Variants in DGKK observed in about 807,000 individuals in gnomAD.
DGKK encodes diacylglycerol kinase kappa, also known as 142 kDa diacylglycerol kinase.
Under a neutral mutation model 92.2 loss-of-function variants are expected in DGKK, and 35 were observed. The ratio of observed to expected loss-of-function variants is 0.38; its 90% CI spans 0.29 to 0.50. The LOEUF (loss-of-function observed/expected upper bound fraction) is 0.50, where lower values mean the gene tolerates loss of function less well. Ranked by LOEUF, DGKK falls within the 20% of genes least tolerant of loss-of-function variation. The pLI, the probability that DGKK is intolerant of heterozygous loss-of-function variation, is 0.92. For missense variants in DGKK, 910 were observed against 992.2 expected (o/e 0.92, Z 1.11); for synonymous variants, 368 against 360.6 (o/e 1.02, Z -0.23).
At chrX:50,428,791 C>T (rs1041424951) in intron 1 of DGKK, among the ~76,000 whole-genome samples, 6 of 111,317 alleles carry the variant, frequency 5.4e-5, no homozygotes, top group African/African-American at 2.0e-4. Context: ...TGAATTCTGT[C>T]CTCCTTTGGG....
intron 1 of DGKK, among the ~76,000 whole-genome samples, chrX:50,452,890 A>G (rs183404622): frequency 7.2e-5 from 8 of 111,668 alleles, no homozygotes; most frequent in Non-Finnish European, 1.3e-4. Flanking sequence ...TTAAATCTCA[A>G]TTCTGGGCCC....
chrX:50,421,518 T>C (rs923429160), intron 3 of DGKK, among the ~76,000 whole-genome samples: 18 of 111,854 alleles, frequency 1.6e-4, no homozygotes, highest in Non-Finnish European at 5.6e-5. Context: ...TTTAATTAAG[T>C]TAAGGGGCAG....
intron 2 of DGKK, among the ~76,000 whole-genome samples, chrX:50,423,882 C>T (rs1474001239): frequency 1.8e-5 from 2 of 111,784 alleles, no homozygotes; most frequent in African/African-American, 6.5e-5. Context: ...CATGACAAGT[C>T]TTTGCTTTAT....
At chrX:50,408,773 C>T (rs1318851086) in intron 4 of DGKK, among the ~76,000 whole-genome samples, 1 of 112,092 alleles carries the variant, frequency 8.9e-6, no homozygotes, top group Non-Finnish European at 1.9e-5. Flanking sequence ...TGGTTTCACA[C>T]GTCCATAGAT....
rs782697168 is a variant in DGKK, at chrX:50,401,017, G to A, written c.1411+20C>T. 2 of 1,173,053 alleles carry A rather than the reference G, an allele frequency of 1.7e-6. No homozygotes were observed. The highest frequency in any genetic ancestry group is 2.3e-6 in the Non-Finnish European group (2 of 871,838). ...CCTACATGCCCAATGTGCTTCTGAGGTTAAGATTTAACTACTCACCATCGC... is the reference window on the plus strand; with the variant it reads ...CCTACATGCCCAATGTGCTTCTGAGATTAAGATTTAACTACTCACCATCGC... On this transcript the variant is annotated intron_variant, in intron 8 of 27. Transcript: ENST00000611977.
At chrX:50,459,307 A>G (rs1926687592) in intron 1 of DGKK, among the ~76,000 whole-genome samples, 1 of 111,394 alleles carries the variant, frequency 9.0e-6, no homozygotes, top group Non-Finnish European at 1.9e-5. Flanking sequence ...TGAGTAGGTC[A>G]CAATAATGCC....
intron 4 of DGKK, among the ~76,000 whole-genome samples, chrX:50,413,996 G>A (rs1262436715): frequency 3.6e-5 from 4 of 112,144 alleles, no homozygotes; most frequent in Non-Finnish European, 5.6e-5. Context: ...ATAAAATGTG[G>A]TATATATACA....
At chrX:50,460,258 G>A (rs374896112) in intron 1 of DGKK, among the ~76,000 whole-genome samples, 4 of 111,797 alleles carry the variant, frequency 3.6e-5, no homozygotes, top group East Asian at 5.7e-4. Flanking sequence ...CATTTCCTGC[G>A]TCAAGCTGCA....
chrX:50,416,113 G>A (rs1351071918), intron 4 of DGKK, among the ~76,000 whole-genome samples: 3 of 111,243 alleles, frequency 2.7e-5, no homozygotes, highest in Non-Finnish European at 5.7e-5. Context: ...GATACAATCA[G>A]AAGACTCCCA....
chrX:50,395,348 C>A (rs1190089897), intron 8 of DGKK, among the ~76,000 whole-genome samples: 3 of 111,063 alleles, frequency 2.7e-5, no homozygotes, highest in African/African-American at 6.6e-5. Flanking sequence ...TCTAAGTGAG[C>A]ATATGACTTT....
chrX:50,370,771 T>C (rs2147115386), intron 26 of DGKK, among the ~76,000 whole-genome samples: 1 of 111,984 alleles, frequency 8.9e-6, no homozygotes, highest in African/African-American at 3.2e-5. Context: ...CTAGCATTAA[T>C]AAATGCTCTC....
intron 1 of DGKK, among the ~76,000 whole-genome samples, chrX:50,461,258 T>C (rs971263914): frequency 8.9e-6 from 1 of 112,020 alleles, no homozygotes; most frequent in African/African-American, 3.2e-5. Flanking sequence ...TGAACAAGTG[T>C]TTCCTAAATC....
intron 1 of DGKK, among the ~76,000 whole-genome samples, chrX:50,451,266 A>T (rs971526805): frequency 1.8e-5 from 2 of 111,377 alleles, no homozygotes; most frequent in Non-Finnish European, 3.8e-5. Flanking sequence ...AAGTGAAAAG[A>T]GCTTCTTTCA....
intron 3 of DGKK, 103 bp downstream of exon 3, chrX:50,422,341 AAC>A: frequency 1.7e-6 from 1 of 602,185 alleles, no homozygotes; most frequent in East Asian, 3.7e-5. Context: ...GATCAAAGGA[AAC>A]TTTGGAAACC....
At chrX:50,394,105 G>A (rs142349066) in intron 8 of DGKK, among the ~76,000 whole-genome samples, 1,917 of 111,979 alleles carry the variant, frequency 0.017, 47 homozygotes, top group African/African-American at 0.059. Flanking sequence ...AGGGAGACAG[G>A]CAGTGTGCAA....
In DGKK at chrX:50,423,245, G is replaced by T. The variant is rs1402014087; in HGVS notation, c.757-719C>A. The stretch of plus-strand genomic sequence containing the variant: ...ATTATACATTTCCACCCCATGTCTT[G>T]TTGCTCCATTTGCATTTGTGATGCC... On this transcript the variant is annotated intron_variant, in intron 2 of 27. Coordinates refer to ENST00000611977, the MANE Select transcript of DGKK (RefSeq NM_001013742.4). Among the ~76,000 whole-genome samples, 5 of 111,991 alleles carry T rather than the reference G, an allele frequency of 4.5e-5. No individual in the cohort carries two copies. The East Asian group carries it at 8.4e-4, about 19-fold the overall frequency.
At chrX:50,432,263 C>T (rs1925907987) in intron 1 of DGKK, among the ~76,000 whole-genome samples, 2 of 112,344 alleles carry the variant, frequency 1.8e-5, no homozygotes, top group South Asian at 7.6e-4. Flanking sequence ...TATAGATGAA[C>T]GTCTGTGTCC....
At chrX:50,386,004 G>A (rs782318989) in intron 15 of DGKK, among the ~76,000 whole-genome samples, 3 of 111,847 alleles carry the variant, frequency 2.7e-5, no homozygotes, top group African/African-American at 9.8e-5. Flanking sequence ...TGGTTGGAAA[G>A]AAACAGGAGA....
chrX:50,405,571 G>A (rs1227261382), intron 4 of DGKK, among the ~76,000 whole-genome samples: 1 of 107,226 alleles, frequency 9.3e-6, no homozygotes, highest in Non-Finnish European at 1.9e-5. Flanking sequence ...AGCTACTGAG[G>A]GCTCTAGCAC....
Sources: gnomAD v4.1 joint callset for allele counts (sites outside exome capture counted in the v4.1 genomes callset) on GRCh38, gnomAD v4.1.1 for gene constraint, MANE v1.5 for transcripts, NCBI Gene and HGNC (gene_info 2026-07-23, HGNC 2026-07-21) for gene names.